The following UNC5B variants were observed in gnomAD, a reference collection of about 807,000 sequenced individuals.
The protein encoded by UNC5B is netrin receptor UNC5B.
Under a neutral mutation model 103.7 loss-of-function variants are expected in UNC5B, and 56 were observed. The observed-to-expected ratio is 0.54, with a 90% CI of 0.44 to 0.67. UNC5B has a LOEUF of 0.67. UNC5B is among the 30% of genes least tolerant of loss of function. UNC5B has a pLI of 0.00. For synonymous variants in UNC5B, 577 were observed against 542.0 expected (o/e 1.06, Z -0.90); for missense variants, 1,194 against 1,284.5 (o/e 0.93, Z 1.08).
chr10:71,265,983 G>A (rs145768525), intron 1 of UNC5B, among the ~76,000 whole-genome samples: 19 of 152,278 alleles, frequency 1.2e-4, no homozygotes, highest in African/African-American at 4.6e-4. Context: ...CGAGGTCCCA[G>A]GAGCTAAGAC....
intron 1 of UNC5B, among the ~76,000 whole-genome samples, chr10:71,270,659 T>C (rs1187323877): frequency 2.0e-5 from 3 of 152,048 alleles, no homozygotes; most frequent in Admixed American, 2.0e-4. Context: ...AGGCACATCT[T>C]CCAGGTTCAT....
chr10:71,258,310 A>G (rs1311891387), intron 1 of UNC5B, among the ~76,000 whole-genome samples: 1 of 152,114 alleles, frequency 6.6e-6, no homozygotes, highest in East Asian at 1.9e-4. Flanking sequence ...CCCTCCTAGG[A>G]TACAGGAATC....
At chr10:71,272,059 T>C (rs1280014780) in intron 1 of UNC5B, among the ~76,000 whole-genome samples, 3 of 152,108 alleles carry the variant, frequency 2.0e-5, no homozygotes, top group Non-Finnish European at 4.4e-5. Context: ...GGTCCTTCCA[T>C]GTGAGGTTGT....
intron 4 of UNC5B, 45 bp downstream of exon 4, chr10:71,285,474 G>A: frequency 6.7e-7 from 1 of 1,484,040 alleles, no homozygotes; most frequent in Non-Finnish European, 9.0e-7. Context: ...CTGTGGCCAT[G>A]CCTGCAGAAG....
At chr10:71,264,870 G>A (rs191017910) in intron 1 of UNC5B, among the ~76,000 whole-genome samples, 11 of 151,514 alleles carry the variant, frequency 7.3e-5, no homozygotes, top group Admixed American at 2.0e-4. Flanking sequence ...GCCATGGCTC[G>A]TACCTGTAAT....
rs562730068 is a variant in UNC5B, at chr10:71,213,383, G to A, written c.79+319G>A. Among the ~76,000 whole-genome samples the A allele has an allele frequency of 8.0e-4, 122 of 152,268 alleles. No homozygotes were observed. Among genetic ancestry groups the A allele is most frequent in the African/African-American group, 2.8e-3 (116 of 41,560 alleles). ...AGGATCCGCCTCCTGGGGACGCCCG[G>A]CTCTCCGCGCGCCTGGCATCCGCCC... On this transcript the variant is annotated intron_variant, in intron 1 of 16. Transcript: ENST00000335350. This position sits in a 1 kb window ranked among gnomAD's most constrained non-coding sequence, Gnocchi z 4.1.
At chr10:71,251,162 T>C (rs1157568768) in intron 1 of UNC5B, among the ~76,000 whole-genome samples, 1 of 152,188 alleles carries the variant, frequency 6.6e-6, no homozygotes, top group Non-Finnish European at 1.5e-5. Context: ...GTGGGTAATC[T>C]GTCAGAGGTT....
Position 71,291,456 on chromosome 10 carries a change from C to T in UNC5B, c.1319C>T (p.Ser440Phe), listed in dbSNP as rs1845253364. ...RPSNPQLLHP[S>F]VPPDLTASAG... is the part of the protein sequence containing the mutation. ...GGCAACCCGCAGCTCCTACACCCCT[C>T]TGTGCCTCCTGACCTGACAGCCAGC... The change falls in exon 10 of 17, where the codon TCT becomes TTT. Residue 440 changes from serine (S) to phenylalanine (F), a missense_variant. Physicochemically the swap from Ser to Phe is radical, Grantham distance 155 (BLOSUM62 -2). Coordinates refer to ENST00000335350, the MANE Select transcript of UNC5B (RefSeq NM_170744.5). 2.5e-6 allele frequency: 4 copies of T among 1,612,230 alleles called. No homozygotes were observed. Among genetic ancestry groups the T allele is most frequent in the African/African-American group, 1.3e-5 (1 of 74,894 alleles).
intron 1 of UNC5B, among the ~76,000 whole-genome samples, chr10:71,237,010 G>C (rs912880623): frequency 1.3e-5 from 2 of 152,240 alleles, no homozygotes; most frequent in Admixed American, 6.5e-5. Context: ...CCTGGAGGAG[G>C]TGGAGGTGTA....
chr10:71,299,165 T>C lies in UNC5B; in HGVS notation c.2726T>C (p.Leu909Pro), dbSNP rs1450027665. 1 of 1,614,228 alleles carries C rather than the reference T, an allele frequency of 6.2e-7. No homozygotes were observed. Among genetic ancestry groups the C allele is most frequent in the Admixed American group, 1.7e-5 (1 of 60,032 alleles). Residue 909 changes from leucine (L) to proline (P), a missense_variant, in exon 17 of 17, where the codon CTC (leucine) becomes CCC (proline). Coordinates refer to ENST00000335350, the MANE Select transcript of UNC5B (RefSeq NM_170744.5). ...KASPTGVILD[L>P]WEALQQDDGD... Reference sequence around the variant, plus strand: ...AGCCCCACGGGTGTGATCCTGGACCTCTGGGAAGCTCTGCAGCAGGACGAT... The same window carrying C: ...AGCCCCACGGGTGTGATCCTGGACCCCTGGGAAGCTCTGCAGCAGGACGAT...
At position 71,213,166 on chromosome 10, in the gene UNC5B, A is replaced by G; in HGVS notation, c.79+102A>G. Reference sequence around the variant, plus strand: ...TTTCGTCGCATCGATGCGCGCAGGAAAAGCGGCAAGGGCGCCCAAGTTAGA... The same window carrying G: ...TTTCGTCGCATCGATGCGCGCAGGAGAAGCGGCAAGGGCGCCCAAGTTAGA... On this transcript the variant is annotated intron_variant, in intron 1 of 16. Transcript: ENST00000335350. This position sits in a 1 kb window ranked among gnomAD's most constrained non-coding sequence, Gnocchi z 4.1. The G allele has an allele frequency of 9.8e-7, 1 of 1,018,816 alleles. No individual in the cohort carries two copies. Among genetic ancestry groups the G allele is most frequent in the Non-Finnish European group, 1.3e-6 (1 of 790,658 alleles). The allele number at this position is 1,018,816 out of a possible 1,614,324, so 63.1% of individuals were successfully genotyped here. A position where few individuals can be genotyped will look rare whatever the true frequency, so the allele number is the denominator to read the frequency against.
intron 1 of UNC5B, among the ~76,000 whole-genome samples, chr10:71,269,797 A>G (rs910734511): frequency 7.0e-6 from 1 of 143,528 alleles, no homozygotes; most frequent in Non-Finnish European, 1.5e-5. Flanking sequence ...CTGCCAAGAG[A>G]AAAAAAAAGG....
chr10:71,220,829 T>C (rs1330181747), intron 1 of UNC5B, among the ~76,000 whole-genome samples: 1 of 151,958 alleles, frequency 6.6e-6, no homozygotes, highest in Non-Finnish European at 1.5e-5. Context: ...GGACCAGGAG[T>C]CTCAGCTGCT....
At chr10:71,286,589 TGCCAC>T in intron 4 of UNC5B, 95 bp from the exon 5 acceptor site, 1 of 1,458,302 alleles carries the variant, frequency 6.9e-7, no homozygotes, top group Non-Finnish European at 9.5e-7. Flanking sequence ...CCTGCCTCAC[TGCCAC>T]GACTATGGCG....
intron 1 of UNC5B, among the ~76,000 whole-genome samples, chr10:71,240,977 TTTG>T (rs927951770): frequency 2.0e-5 from 3 of 152,256 alleles, no homozygotes; most frequent in East Asian, 1.9e-4. Context: ...ATTCTATAAT[TTTG>T]TTGTTGTTGT....
rs753076185 is a variant in UNC5B, at chr10:71,287,641, C to T, written c.777C>T (p.Ser259=). Residue 259 remains serine, a synonymous_variant, in exon 6 of 17, where the codon TCC becomes TCT. Coordinates refer to ENST00000335350, the MANE Select transcript of UNC5B (RefSeq NM_170744.5). ...GCTGGGCAGAGTGGTCACCCTGCTC[C>T]AACCGCTGTGGCCGAGGCTGGCAGA... is the stretch of plus-strand genomic sequence containing the variant. The part of the protein sequence containing the change: ...WSSWAEWSPC[S]NRCGRGWQKR... 38 of 1,612,018 alleles carry T rather than the reference C, an allele frequency of 2.4e-5. 2 individuals are homozygous for T. Among genetic ancestry groups the T allele is most frequent in the Middle Eastern group, 3.4e-4 (2 of 5,934 alleles).
rs1288024125 is a variant in UNC5B, at chr10:71,279,821, G to T, written c.80G>T (p.Gly27Val). 2 of 1,612,358 alleles carry T rather than the reference G, an allele frequency of 1.2e-6. No individual in the cohort carries two copies. Among genetic ancestry groups the T allele is most frequent in the Admixed American group, 3.3e-5 (2 of 59,836 alleles). ...LCWDPRLSQA[G>V]TDSGSEVLPD... Reference sequence around the variant, plus strand: ...ATGGAGGTCTCCACTCACTCTGCAGGCACTGATTCTGGCAGCGAGGTGCTC... The same window carrying T: ...ATGGAGGTCTCCACTCACTCTGCAGTCACTGATTCTGGCAGCGAGGTGCTC... The change falls in exon 2 of 17, where the codon GGC (glycine) becomes GTC (valine). Residue 27 changes from glycine (G) to valine (V), a missense_variant and splice_region_variant. Physicochemically the swap from Gly to Val is moderately radical, Grantham distance 109 (BLOSUM62 -3). Transcript: ENST00000335350.
chr10:71,219,464 G>A (rs1308710564), intron 1 of UNC5B, among the ~76,000 whole-genome samples: 1 of 152,150 alleles, frequency 6.6e-6, no homozygotes, highest in Non-Finnish European at 1.5e-5. Flanking sequence ...TGGGAGGCTA[G>A]GCCAGTCTCT....
At chr10:71,230,081 C>T (rs1164276058) in intron 1 of UNC5B, among the ~76,000 whole-genome samples, 1 of 152,202 alleles carries the variant, frequency 6.6e-6, no homozygotes, top group East Asian at 1.9e-4. Flanking sequence ...ACCCCTACCT[C>T]CTCCTCTCTG....
Sources: gnomAD v4.1 joint callset for allele counts (sites outside exome capture counted in the v4.1 genomes callset) on GRCh38, gnomAD v4.1.1 for gene constraint, Gnocchi (gnomAD v3.1) non-coding constraint, MANE v1.5 for transcripts, NCBI Gene and HGNC (gene_info 2026-07-23, HGNC 2026-07-21) for gene names.